The following MAD1L1 variants were observed in gnomAD, a reference collection of about 807,000 sequenced individuals.
The protein encoded by MAD1L1 is mitotic spindle assembly checkpoint protein MAD1.
In MAD1L1, 95 loss-of-function variants were observed where a neutral mutation model predicts 96.9. The observed-to-expected ratio is 0.98, with a 90% CI of 0.83 to 1.16. MAD1L1 has a LOEUF of 1.16. MAD1L1 is among the 50% of genes most tolerant of loss of function. The pLI, the probability that MAD1L1 is intolerant of heterozygous loss-of-function variation, is 0.00. For synonymous variants in MAD1L1, 473 were observed against 396.6 expected, an observed-to-expected ratio of 1.19 and a Z score of -2.29; for missense variants, 1,007 against 954.4, an observed-to-expected ratio of 1.06 and a Z score of -0.73.
Position 1,837,859 on chromosome 7 carries a change from G to A in MAD1L1, c.1999-21631C>T, listed in dbSNP as rs146625776. Among the ~76,000 whole-genome samples, 1,192 of 152,342 alleles carry A rather than the reference G, an allele frequency of 7.8e-3. 13 individuals carry two copies. Among genetic ancestry groups the A allele is most frequent in the African/African-American group, 0.027 (1,116 of 41,568 alleles). On this transcript the variant is annotated intron_variant, in intron 18 of 18. Transcript: ENST00000265854. ...AAGGGTCTTGCCTTGATGGCCTCACGGGTGCGTGTATACAGATGGTAGCTC... is the reference window on the plus strand; with the variant it reads ...AAGGGTCTTGCCTTGATGGCCTCACAGGTGCGTGTATACAGATGGTAGCTC...
chr7:1,957,168 G>T (rs146276566), intron 16 of MAD1L1, among the ~76,000 whole-genome samples: 8 of 152,322 alleles, frequency 5.3e-5, no homozygotes, highest in Admixed American at 1.3e-4. Flanking sequence ...TCAGAAACTG[G>T]TCATAAAAAA....
At chr7:1,854,287 T>C (rs1784128873) in intron 18 of MAD1L1, 1 of 425,618 alleles carries the variant, frequency 2.3e-6, no homozygotes, top group Non-Finnish European at 4.7e-6. Context: ...TGGCTGAGAC[T>C]GCCCCAGCCC....
At chr7:2,091,328 G>A (rs1002347985) in intron 11 of MAD1L1, among the ~76,000 whole-genome samples, 3 of 152,052 alleles carry the variant, frequency 2.0e-5, no homozygotes, top group Non-Finnish European at 4.4e-5. Flanking sequence ...GCCTGCCTCC[G>A]GGCCCCGCAG....
At chr7:2,055,371 G>T (rs889541036) in intron 12 of MAD1L1, among the ~76,000 whole-genome samples, 2 of 152,134 alleles carry the variant, frequency 1.3e-5, no homozygotes, top group African/African-American at 4.8e-5. Context: ...CGTAGGGCAC[G>T]ATCCAGGCCT....
At chr7:1,909,445 T>C (rs1452832303) in intron 17 of MAD1L1, among the ~76,000 whole-genome samples, 3 of 152,242 alleles carry the variant, frequency 2.0e-5, no homozygotes, top group African/African-American at 7.2e-5. Flanking sequence ...TGCAATTTTA[T>C]TAGCAGCCAT....
chr7:2,225,176 G>A (rs1256490091), intron 4 of MAD1L1, among the ~76,000 whole-genome samples: 4 of 152,212 alleles, frequency 2.6e-5, no homozygotes, highest in Non-Finnish European at 4.4e-5. Context: ...GACACAGGGC[G>A]TGTCAGGCTT....
chr7:2,070,144 C>T (rs1394671105), intron 11 of MAD1L1, among the ~76,000 whole-genome samples: 1 of 152,238 alleles, frequency 6.6e-6, no homozygotes, highest in Non-Finnish European at 1.5e-5. Context: ...CAGTAGCGGG[C>T]CTCAGGGGTT....
chr7:1,826,262 T>C (rs1010002287), intron 18 of MAD1L1, among the ~76,000 whole-genome samples: 2 of 151,474 alleles, frequency 1.3e-5, no homozygotes, highest in Admixed American at 6.6e-5. Context: ...CACCGAGCCC[T>C]GACAGTCACT....
chr7:2,231,403 A>G (rs1187466953), intron 1 of MAD1L1, among the ~76,000 whole-genome samples: 1 of 151,954 alleles, frequency 6.6e-6, no homozygotes, highest in Non-Finnish European at 1.5e-5. Flanking sequence ...GCAGATCACC[A>G]CAGGTCAGGA....
chr7:2,193,936 ATTTTTTTTTT>A (rs35067993), intron 10 of MAD1L1, among the ~76,000 whole-genome samples: 3 of 82,804 alleles, frequency 3.6e-5, no homozygotes, highest in African/African-American at 1.4e-4. Context: ...CTCTGCATGG[ATTTTTTTTTT>A]TTTTTTTTTT....
At chr7:2,210,865 G>C (rs980479982) in intron 10 of MAD1L1, among the ~76,000 whole-genome samples, 7 of 147,182 alleles carry the variant, frequency 4.8e-5, no homozygotes, top group Non-Finnish European at 1.0e-4. Context: ...TGCTCAGAGA[G>C]GACGCTCGCA....
chr7:2,205,198 T>C (rs1295882523), intron 10 of MAD1L1, among the ~76,000 whole-genome samples: 4 of 151,412 alleles, frequency 2.6e-5, no homozygotes, highest in Non-Finnish European at 5.9e-5. Context: ...CCCGTCCTTG[T>C]TTGGAGATTA....
chr7:2,161,961 C>T (rs1472387342), intron 10 of MAD1L1, among the ~76,000 whole-genome samples: 4 of 143,840 alleles, frequency 2.8e-5, no homozygotes, highest in South Asian at 2.2e-4. Flanking sequence ...CCAGCCACCC[C>T]GTCCGGGAGG....
intron 10 of MAD1L1, among the ~76,000 whole-genome samples, chr7:2,154,776 A>G (rs1352294849): frequency 1.3e-5 from 2 of 152,206 alleles, no homozygotes; most frequent in Non-Finnish European, 2.9e-5. Flanking sequence ...TGGTTTTGCC[A>G]ACATGTGGAC....
intron 12 of MAD1L1, among the ~76,000 whole-genome samples, chr7:2,049,988 A>G (rs56263514): frequency 1.7e-3 from 204 of 120,246 alleles, no homozygotes; most frequent in Middle Eastern, 5.7e-3. Context: ...ACACGTTCAC[A>G]GGGCACCTCA....
At chr7:2,223,516 A>T (rs1430360243) in intron 4 of MAD1L1, 1 of 152,242 alleles carries the variant, frequency 6.6e-6, no homozygotes, top group East Asian at 1.9e-4. Context: ...GGAAGCACCA[A>T]GCACTCCCGG....
At chr7:2,208,072 C>A (rs1317108424) in intron 10 of MAD1L1, among the ~76,000 whole-genome samples, 1 of 152,138 alleles carries the variant, frequency 6.6e-6, no homozygotes, top group African/African-American at 2.4e-5. Flanking sequence ...ACAATGTCTC[C>A]ATTTTTCTAC....
chr7:1,857,688 A>G (rs1784325898), intron 18 of MAD1L1, among the ~76,000 whole-genome samples: 1 of 152,220 alleles, frequency 6.6e-6, no homozygotes, highest in Non-Finnish European at 1.5e-5. Context: ...GGAGCAAAAA[A>G]GAGGACACAG....
chr7:2,045,656 G>T (rs1783886740), intron 12 of MAD1L1, among the ~76,000 whole-genome samples: 1 of 152,056 alleles, frequency 6.6e-6, no homozygotes. Flanking sequence ...CCCTGGAAAA[G>T]CGACAGTCGC....
Sources: gnomAD v4.1 joint callset for allele counts (sites outside exome capture counted in the v4.1 genomes callset) on GRCh38, gnomAD v4.1.1 for gene constraint, MANE v1.5 for transcripts, NCBI Gene and HGNC (gene_info 2026-07-23, HGNC 2026-07-21) for gene names.